Variants in GREB1 observed in about 807,000 individuals in gnomAD.
GREB1 encodes the protein protein GREB1.
In GREB1, 106 loss-of-function variants were observed where a neutral mutation model predicts 200.7. The observed-to-expected ratio is 0.53, with a 90% CI of 0.45 to 0.62. GREB1 has a LOEUF of 0.62. Among genes scored for constraint, GREB1 ranks in the 20% least tolerant of loss-of-function variants. GREB1 has a pLI of 0.00. For missense variants in GREB1, 2,243 were observed against 2,556.8 expected (o/e 0.88, Z 2.65); for synonymous variants, 1,132 against 1,092.4 (o/e 1.04, Z -0.72).
At chr2:11,601,653 G>A (rs1255322362) in intron 16 of GREB1, among the ~76,000 whole-genome samples, 1 of 152,220 alleles carries the variant, frequency 6.6e-6, no homozygotes, top group Non-Finnish European at 1.5e-5. Flanking sequence ...CCGTCCTGTG[G>A]ACTGAGAATC....
intron 9 of GREB1, chr2:11,587,735 ACACACACG>A: frequency 9.2e-7 from 1 of 1,091,850 alleles, no homozygotes; most frequent in Non-Finnish European, 1.1e-6. Context: ...ACACACACAC[ACACACACG>A]CCACCTTTGG....
intron 17 of GREB1, among the ~76,000 whole-genome samples, chr2:11,610,248 G>A (rs3762580): frequency 0.078 from 11,816 of 152,198 alleles, 617 homozygotes; most frequent in South Asian, 0.21. Context: ...TTTAGAACTC[G>A]GGCCTCCGGT....
chr2:11,581,813 G>T (rs1243575806), intron 7 of GREB1, among the ~76,000 whole-genome samples: 2 of 152,222 alleles, frequency 1.3e-5, no homozygotes, highest in African/African-American at 4.8e-5. Context: ...GGCAAGGCAG[G>T]TCTCCATGCT....
At chr2:11,636,125 C>A (rs190576044) in intron 30 of GREB1, among the ~76,000 whole-genome samples, 35 of 152,228 alleles carry the variant, frequency 2.3e-4, no homozygotes, top group African/African-American at 8.2e-4. Context: ...CTCCACTGAC[C>A]CCCAGAGTCA....
chr2:11,638,766 T>C lies in GREB1; in HGVS notation c.5643T>C (p.Ser1881=). The C allele has an allele frequency of 6.2e-7, 1 of 1,614,218 alleles. No individual in the cohort carries two copies. The change falls in exon 32 of 33, where the codon TCT becomes TCC. Residue 1881 remains serine (S), a synonymous_variant. Coordinates refer to ENST00000381486, the MANE Select transcript of GREB1 (RefSeq NM_014668.4). ...GGCTGCTGCTGTACCTCTGTGACTC[T>C]TTTGTGGGAGCTAGCTTTTTGAAAA... The part of the protein sequence containing the change: ...FSGLLLYLCD[S]FVGASFLKKF...
At chr2:11,598,602 G>T in intron 14 of GREB1, 78 bp from the exon 15 acceptor site, 2 of 1,292,184 alleles carry the variant, frequency 1.5e-6, no homozygotes, top group East Asian at 2.3e-5. Context: ...TGTAGGAGTC[G>T]CTCCTCAGGT....
At position 11,637,904 on chromosome 2, in the gene GREB1, C is replaced by T; in HGVS notation, c.5535C>T (p.Asn1845=). 6.2e-7 allele frequency: 1 copy of T among 1,613,472 alleles called. No individual in the cohort carries two copies. The highest frequency in any genetic ancestry group is 1.1e-5 in the South Asian group (1 of 91,066). The part of the protein sequence containing the change: ...HPVLSVDCYL[N]LGSQISVCYV... ...TGCTGTCTGTCGACTGTTACCTGAA[C>T]CTGGGATCTCAGGTGACTTTCAGAG... Residue 1845 remains asparagine (N), a synonymous_variant, in exon 31 of 33, where the codon AAC becomes AAT. Transcript: ENST00000381486.
At chr2:11,565,555 A>G (rs949339721) in intron 3 of GREB1, among the ~76,000 whole-genome samples, 7 of 152,104 alleles carry the variant, frequency 4.6e-5, no homozygotes, top group Non-Finnish European at 7.4e-5. Context: ...CTGGGACAAG[A>G]CCCTGGAAAA....
At chr2:11,509,032 G>A (rs969561682) in intron 1 of GREB1, among the ~76,000 whole-genome samples, 143 of 151,738 alleles carry the variant, frequency 9.4e-4, no homozygotes, top group African/African-American at 3.3e-3. Context: ...CCGCCACCAC[G>A]CCCGGCTAAT....
At chr2:11,632,236 A>T in intron 27 of GREB1, 123 bp downstream of exon 27, 2 of 668,658 alleles carry the variant, frequency 3.0e-6, no homozygotes, top group Non-Finnish European at 2.5e-6. Context: ...TTTTAAAGCT[A>T]TTTTCATTTT....
At chr2:11,607,595 T>TATTTATACATATAGATAC (rs1682495898) in intron 17 of GREB1, among the ~76,000 whole-genome samples, 1 of 136,478 alleles carries the variant, frequency 7.3e-6, no homozygotes, top group Admixed American at 7.2e-5. Context: ...CATATATACA[T>TATTTATACATATAGATAC]ATATATACAT....
intron 1 of GREB1, among the ~76,000 whole-genome samples, chr2:11,550,495 G>A (rs1675707441): frequency 6.6e-6 from 1 of 152,176 alleles, no homozygotes; most frequent in African/African-American, 2.4e-5. Flanking sequence ...GGTTTAATTT[G>A]TCCTGAGTAA....
At chr2:11,600,594 T>C (rs1681696278) in intron 15 of GREB1, among the ~76,000 whole-genome samples, 1 of 152,206 alleles carries the variant, frequency 6.6e-6, no homozygotes, top group African/African-American at 2.4e-5. Context: ...GACACATTTT[T>C]CCTAAGTAAC....
rs142882217 is a variant in GREB1, at chr2:11,642,263, C to T, written c.*1809C>T. 8,766 of 151,806 alleles carry T rather than the reference C, an allele frequency of 0.058. 447 individuals carry two copies. The highest frequency in any genetic ancestry group is 0.21 in the East Asian group (1,100 of 5,146). 9.4% of individuals were successfully genotyped at this position (151,806 alleles called of 1,614,324 possible). A position where few individuals can be genotyped will look rare whatever the true frequency, so the allele number is the denominator to read the frequency against. ...CCTCCCGAGTAGCTGGGATTATGGG[C>T]GCCCACCACCATGCCCAGCTAATTT... On this transcript the variant is annotated 3_prime_UTR_variant, in exon 33 of 33. Transcript: ENST00000381486.
intron 4 of GREB1, among the ~76,000 whole-genome samples, chr2:11,574,148 G>A (rs575825276): frequency 1.3e-5 from 2 of 152,320 alleles, no homozygotes; most frequent in Admixed American, 1.3e-4. Context: ...AACAGGCTGT[G>A]TTTACAGTTA....
intron 4 of GREB1, 115 bp from the exon 5 acceptor site, chr2:11,576,238 T>A: frequency 1.3e-6 from 1 of 776,862 alleles, no homozygotes; most frequent in Non-Finnish European, 2.1e-6. Context: ...ACCTGGGAGA[T>A]AGAGGTTGCA....
intron 1 of GREB1, among the ~76,000 whole-genome samples, chr2:11,513,885 T>C (rs978613275): frequency 3.9e-5 from 6 of 152,170 alleles, no homozygotes; most frequent in African/African-American, 1.4e-4. Context: ...CTTCAGCCAG[T>C]AATTTCTGAG....
At chr2:11,555,957 G>A (rs1420249501) in intron 1 of GREB1, among the ~76,000 whole-genome samples, 1 of 152,072 alleles carries the variant, frequency 6.6e-6, no homozygotes, top group Non-Finnish European at 1.5e-5. Context: ...ATCTCTTGGG[G>A]GATAGAAATG....
rs1022761216 is a variant in GREB1 at position 11,642,306 on chromosome 2, A to G, written c.*1852A>G. ...GCTAATTTTTGTATTTTTTTTTTTT[A>G]GTAGAGATGGGGTTTCGCCAGGTTG... On this transcript the variant is annotated 3_prime_UTR_variant, in exon 33 of 33. Transcript: ENST00000381486. The G allele has an allele frequency of 6.7e-6, 1 of 148,836 alleles. No homozygotes were observed. Among genetic ancestry groups the G allele is most frequent in the Non-Finnish European group, 1.5e-5 (1 of 67,386 alleles). The allele number at this position is 148,836 out of a possible 1,614,324, so 9.2% of individuals were successfully genotyped here.
Sources: allele counts gnomAD v4.1 joint callset (sites outside exome capture counted in the v4.1 genomes callset), GRCh38; gene constraint gnomAD v4.1.1; transcripts MANE v1.5; gene names NCBI Gene and HGNC (gene_info 2026-07-23, HGNC 2026-07-21).